Variants in DZIP1 observed in about 807,000 individuals in gnomAD.
DZIP1 encodes DAZ interacting zinc finger protein 1.
Under a neutral mutation model 107.6 loss-of-function variants are expected in DZIP1, and 97 were observed. That is an observed-to-expected ratio of 0.90 (90% CI 0.77 to 1.07). The LOEUF is 1.07. DZIP1 is among the 50% of genes least tolerant of loss of function. DZIP1 has a pLI of 0.00. For synonymous variants in DZIP1, 390 were observed against 386.4 expected (o/e 1.01, Z -0.11); for missense variants, 1,035 against 1,063.6 (o/e 0.97, Z 0.37).
chr13:95,626,733 C>A lies in DZIP1; in HGVS notation c.811-1804G>T, dbSNP rs547957334. Among the ~76,000 whole-genome samples the A allele has an allele frequency of 5.9e-5, 9 of 152,248 alleles. No individual in the cohort carries two copies. The East Asian group carries it at 1.4e-3, about 23-fold the overall frequency. On this transcript the variant is annotated intron_variant, in intron 7 of 22. Coordinates refer to ENST00000376829, the MANE Select transcript of DZIP1 (RefSeq NM_198968.4). ...TATATTTCTATATACCAGCAATGAA[C>A]AATCCAAGAAAGAAATTAAGAAAAC...
chr13:95,605,186 A>G (rs2044736127), intron 14 of DZIP1, among the ~76,000 whole-genome samples: 1 of 152,226 alleles, frequency 6.6e-6, no homozygotes. Flanking sequence ...GTGCCACCAT[A>G]CTGACCAGTT....
chr13:95,623,461 T>G (rs1876149462), intron 8 of DZIP1, among the ~76,000 whole-genome samples: 1 of 152,162 alleles, frequency 6.6e-6, no homozygotes, highest in South Asian at 2.1e-4. Context: ...TCATGCAGAT[T>G]CGTAACACAA....
chr13:95,589,778 TA>T, intron 18 of DZIP1, 24 bp downstream of exon 18: 1 of 1,606,262 alleles, frequency 6.2e-7, no homozygotes, highest in Non-Finnish European at 8.5e-7. Context: ...ACTGATAAAA[TA>T]AATCTGAGGG....
intron 5 of DZIP1, among the ~76,000 whole-genome samples, chr13:95,640,053 C>T (rs757583877): frequency 2.0e-5 from 3 of 150,578 alleles, no homozygotes; most frequent in Admixed American, 6.6e-5. Context: ...AGTGCAGTGG[C>T]GCTATCTTGG....
In DZIP1 at chr13:95,581,323, T is replaced by G. The variant is rs116240060; in HGVS notation, c.*911A>C. 6.5e-6 allele frequency: 1 copy of G among 152,774 alleles called. No individual in the cohort carries two copies. The highest frequency in any genetic ancestry group is 2.1e-4 in the South Asian group (1 of 4,830). 9.5% of individuals were successfully genotyped at this position (152,774 alleles called of 1,614,324 possible). A position where few individuals can be genotyped will look rare whatever the true frequency, so the allele number is the denominator to read the frequency against. ...TACTTTTGAGGTATTTCATAATACA[T>G]GTTGGGTATTTTAAATAGTAAAAAA... On this transcript the variant is annotated 3_prime_UTR_variant, in exon 23 of 23. Coordinates refer to ENST00000376829, the MANE Select transcript of DZIP1 (RefSeq NM_198968.4).
chr13:95,643,644 G>A lies in DZIP1; in HGVS notation c.-471C>T, dbSNP rs1174958731. ...CTGGACTCCATCCACTGGGCTGCAG[G>A]ATCAGCGGGAACAAGAGCTGTGGTC... On this transcript the variant is annotated 5_prime_UTR_variant, in exon 2 of 23. Coordinates refer to ENST00000376829, the MANE Select transcript of DZIP1 (RefSeq NM_198968.4). The A allele has an allele frequency of 6.6e-6, 1 of 152,666 alleles. No homozygotes were observed. The highest frequency in any genetic ancestry group is 2.4e-5 in the African/African-American group (1 of 41,422). 9.5% of individuals were successfully genotyped at this position (152,666 alleles called of 1,614,324 possible).
intron 16 of DZIP1, among the ~76,000 whole-genome samples, chr13:95,590,670 G>T (rs2138828419): frequency 6.6e-6 from 1 of 152,360 alleles, no homozygotes; most frequent in African/African-American, 2.4e-5. Context: ...ACGAGGCTGT[G>T]TGTCATAAGG....
At chr13:95,617,770 C>A (rs749490461) in intron 10 of DZIP1, among the ~76,000 whole-genome samples, 5 of 151,944 alleles carry the variant, frequency 3.3e-5, no homozygotes, top group African/African-American at 7.3e-5. Flanking sequence ...GGAGAGCAGA[C>A]TAAGGAAGGG....
At position 95,583,798 on chromosome 13, in the gene DZIP1, A is replaced by G. The variant is rs148199996; in HGVS notation, c.2524+938T>C. 2.8e-3 allele frequency among the ~76,000 whole-genome samples: 423 copies of G among 152,186 alleles called. 4 individuals are homozygous for G. The highest frequency in any genetic ancestry group is 0.023 in the Admixed American group (344 of 15,284). On this transcript the variant is annotated intron_variant, in intron 22 of 22. Coordinates refer to ENST00000376829, the MANE Select transcript of DZIP1 (RefSeq NM_198968.4). ...ATTTTAATTCCTAAAAGGCATCTTC[A>G]TGAAGAGAATACGTGTATAGACATT...
chr13:95,628,781 G>A (rs889548647), intron 7 of DZIP1, among the ~76,000 whole-genome samples: 6 of 152,144 alleles, frequency 3.9e-5, no homozygotes, highest in Admixed American at 3.9e-4. Context: ...AGCCAATGAT[G>A]ACAAAAAGAC....
At position 95,581,464 on chromosome 13, in the gene DZIP1, GC is replaced by G. The variant is rs1284436358; in HGVS notation, c.*769del. 5.9e-5 allele frequency: 9 copies of G among 152,306 alleles called. No homozygotes were observed. Among genetic ancestry groups the G allele is most frequent in the Admixed American group, 5.9e-4 (9 of 15,268 alleles). 9.4% of individuals were successfully genotyped at this position (152,306 alleles called of 1,614,324 possible). ...ATAAAATATCCAAGATAAAGAATAT[GC>G]TATATAAAATAACCAACCATTTAAT... On this transcript the variant is annotated 3_prime_UTR_variant, in exon 23 of 23. Coordinates refer to ENST00000376829, the MANE Select transcript of DZIP1 (RefSeq NM_198968.4).
At chr13:95,608,891 G>T (rs1444729837) in intron 13 of DZIP1, among the ~76,000 whole-genome samples, 1 of 152,230 alleles carries the variant, frequency 6.6e-6, no homozygotes, top group African/African-American at 2.4e-5. Flanking sequence ...ACAGGTACCT[G>T]CCCTTACTCC....
chr13:95,625,999 G>T (rs1876502429), intron 7 of DZIP1, among the ~76,000 whole-genome samples: 1 of 151,936 alleles, frequency 6.6e-6, no homozygotes, highest in Non-Finnish European at 1.5e-5. Flanking sequence ...AGGTATGGTG[G>T]TACGTGCCTG....
In DZIP1 at chr13:95,587,632, T is replaced by G. The variant is rs751499210; in HGVS notation, c.2125A>C (p.Lys709Gln). ...ACTGTGTTCTTCCCGAAGCTGCCCT[T>G]GTTTTGTGGTGGCGGCACAGGAAGT... is the stretch of plus-strand genomic sequence containing the variant. ...GPLPVPPPQN[K>Q]GSFGKNTVKS... is the part of the protein sequence containing the mutation. The change falls in exon 20 of 23, where the codon AAG becomes CAG. Residue 709 changes from lysine (K) to glutamine (Q), a missense_variant. Coordinates refer to ENST00000376829, the MANE Select transcript of DZIP1 (RefSeq NM_198968.4). The G allele has an allele frequency of 6.2e-7, 1 of 1,614,150 alleles. No homozygotes were observed. The highest frequency in any genetic ancestry group is 2.2e-5 in the East Asian group (1 of 44,874).
At chr13:95,613,949 C>T (rs1478594173) in intron 10 of DZIP1, among the ~76,000 whole-genome samples, 5 of 151,808 alleles carry the variant, frequency 3.3e-5, no homozygotes, top group Non-Finnish European at 7.4e-5. Context: ...TGCAGTAAGA[C>T]CCTGTCTCTA....
chr13:95,621,641 C>T (rs745564992), intron 9 of DZIP1, among the ~76,000 whole-genome samples: 1 of 148,890 alleles, frequency 6.7e-6, no homozygotes, highest in Non-Finnish European at 1.5e-5. Context: ...ATAAATGTAA[C>T]AGATCATCAG....
intron 6 of DZIP1, among the ~76,000 whole-genome samples, chr13:95,631,634 C>T (rs1356374149): frequency 2.0e-5 from 3 of 152,062 alleles, no homozygotes; most frequent in East Asian, 1.9e-4. Flanking sequence ...AGTCCCCTCC[C>T]CTCTCTTGCG....
chr13:95,640,629 A>G (rs772419544), intron 5 of DZIP1, among the ~76,000 whole-genome samples: 13 of 152,344 alleles, frequency 8.5e-5, no homozygotes, highest in Middle Eastern at 3.4e-3. Context: ...CTTGGACTCA[A>G]TGTCTAACCC....
intron 12 of DZIP1, among the ~76,000 whole-genome samples, chr13:95,609,749 C>T (rs1181216608): frequency 3.3e-5 from 5 of 152,102 alleles, no homozygotes; most frequent in Non-Finnish European, 5.9e-5. Context: ...AATATTCCTC[C>T]CTAACCTGAG....
Sources: allele counts gnomAD v4.1 joint callset (sites outside exome capture counted in the v4.1 genomes callset), GRCh38; gene constraint gnomAD v4.1.1; transcripts MANE v1.5; gene names NCBI Gene and HGNC (gene_info 2026-07-23, HGNC 2026-07-21).